The following COL22A1 variants were observed in gnomAD, a reference collection of about 807,000 sequenced individuals.
COL22A1 encodes the protein collagen alpha-1(XXII) chain.
In COL22A1, 221 loss-of-function variants were observed where a neutral mutation model predicts 248.9. The observed-to-expected ratio is 0.89, with a 90% CI of 0.80 to 0.99. The LOEUF (loss-of-function observed/expected upper bound fraction) is 0.99, where lower values mean the gene tolerates loss of function less well. Among genes scored for constraint, COL22A1 ranks in the 50% least tolerant of loss-of-function variants. The pLI is 0.00. For missense variants in COL22A1, 2,240 were observed against 2,179.0 expected, an observed-to-expected ratio of 1.03 and a Z score of -0.56; for synonymous variants, 891 against 793.4, an observed-to-expected ratio of 1.12 and a Z score of -2.07.
intron 8 of COL22A1, among the ~76,000 whole-genome samples, chr8:138,812,433 A>T (rs988598666): frequency 6.6e-6 from 1 of 152,144 alleles, no homozygotes; most frequent in Non-Finnish European, 1.5e-5. Flanking sequence ...AAGCCTTGTG[A>T]CCAGGACTTG....
intron 41 of COL22A1, among the ~76,000 whole-genome samples, chr8:138,670,976 AAAAAAAAAAAG>A (rs1824975453): frequency 6.7e-6 from 1 of 149,688 alleles, no homozygotes; most frequent in Admixed American, 6.7e-5. Context: ...AAAAAAAAAA[AAAAAAAAAAAG>A]CCACTGGTGA....
At chr8:138,638,851 G>A (rs1821423550) in intron 47 of COL22A1, among the ~76,000 whole-genome samples, 1 of 152,050 alleles carries the variant, frequency 6.6e-6, no homozygotes, top group Admixed American at 6.6e-5. Context: ...CCTCAGTCTG[G>A]GTTTAGACTA....
chr8:138,711,541 A>T (rs1266155353), intron 30 of COL22A1, among the ~76,000 whole-genome samples: 1 of 152,152 alleles, frequency 6.6e-6, no homozygotes, highest in Non-Finnish European at 1.5e-5. Flanking sequence ...TCAAATAGAA[A>T]CTGCATTTCT....
At chr8:138,792,018 G>C (rs576716714) in intron 12 of COL22A1, among the ~76,000 whole-genome samples, 1 of 151,896 alleles carries the variant, frequency 6.6e-6, no homozygotes, top group African/African-American at 2.4e-5. Context: ...ATGACTTTTT[G>C]GTGGTGCTTG....
At chr8:138,800,799 C>T (rs1816937840) in intron 11 of COL22A1, among the ~76,000 whole-genome samples, 2 of 152,180 alleles carry the variant, frequency 1.3e-5, no homozygotes, top group Admixed American at 6.5e-5. Context: ...TCCTTTGAAC[C>T]CAGCTACAAG....
At chr8:138,790,185 G>C (rs1815900478) in intron 12 of COL22A1, among the ~76,000 whole-genome samples, 3 of 152,160 alleles carry the variant, frequency 2.0e-5, no homozygotes, top group Admixed American at 2.0e-4. Flanking sequence ...GTCAGATTTG[G>C]TGTCAGGTGA....
intron 47 of COL22A1, among the ~76,000 whole-genome samples, chr8:138,645,958 A>C (rs1822168516): frequency 6.6e-6 from 1 of 152,144 alleles, no homozygotes; most frequent in African/African-American, 2.4e-5. Context: ...GTGTGGGTCT[A>C]TCTGTCCCCA....
At chr8:138,709,037 A>T (rs910490736) in intron 30 of COL22A1, among the ~76,000 whole-genome samples, 4 of 152,254 alleles carry the variant, frequency 2.6e-5, no homozygotes, top group Non-Finnish European at 5.9e-5. Context: ...ACATGAAAAA[A>T]TGCTCATCAT....
chr8:138,899,324 G>A (rs1465161693), intron 1 of COL22A1, among the ~76,000 whole-genome samples: 1 of 152,106 alleles, frequency 6.6e-6, no homozygotes, highest in Non-Finnish European at 1.5e-5. Flanking sequence ...GATAAAAAAG[G>A]TTGAGAAAAT....
intron 16 of COL22A1, among the ~76,000 whole-genome samples, chr8:138,763,440 C>T (rs1172994122): frequency 6.6e-6 from 1 of 152,092 alleles, no homozygotes; most frequent in African/African-American, 2.4e-5. Context: ...TGAAAACCTT[C>T]CTGCTGAGGA....
intron 51 of COL22A1, among the ~76,000 whole-genome samples, chr8:138,624,078 G>T (rs542230129): frequency 6.6e-6 from 1 of 152,138 alleles, no homozygotes; most frequent in African/African-American, 2.4e-5. Context: ...GCCTCTCCTG[G>T]GCATTTTCGT....
chr8:138,913,547 T>G (rs1240957880), intron 1 of COL22A1, 72 bp downstream of exon 1: 1 of 152,450 alleles, frequency 6.6e-6, no homozygotes, highest in African/African-American at 2.4e-5. Context: ...CTCACTGTCA[T>G]CTGGGAAGAT....
At chr8:138,661,034 A>G (rs1263162983) in intron 43 of COL22A1, among the ~76,000 whole-genome samples, 2 of 38,340 alleles carry the variant, frequency 5.2e-5, no homozygotes, top group African/African-American at 1.3e-4. Flanking sequence ...ACACACACAT[A>G]TACAGACACA....
intron 57 of COL22A1, among the ~76,000 whole-genome samples, chr8:138,607,177 G>A (rs938567904): frequency 6.6e-6 from 1 of 152,160 alleles, no homozygotes; most frequent in Non-Finnish European, 1.5e-5. Flanking sequence ...AAACTGAGAT[G>A]AGCTGGTCAC....
chr8:138,604,621 G>C, intron 59 of COL22A1, 113 bp downstream of exon 59: 1 of 850,896 alleles, frequency 1.2e-6, no homozygotes. Context: ...AACAGTGAAG[G>C]TAGAGAGTGT....
intron 45 of COL22A1, among the ~76,000 whole-genome samples, chr8:138,652,735 G>GTTTTTTTTT (rs71316352): frequency 0.069 from 3,733 of 54,244 alleles, 1,327 homozygotes; most frequent in Non-Finnish European, 0.098. Flanking sequence ...TCCTTTTCTG[G>GTTTTTTTTT]TTTTTTTTTT....
intron 30 of COL22A1, among the ~76,000 whole-genome samples, chr8:138,715,000 G>C (rs956903996): frequency 5.9e-5 from 9 of 152,084 alleles, no homozygotes; most frequent in African/African-American, 1.4e-4. Flanking sequence ...AAGGGGCAGT[G>C]GTGTTCAGAG....
chr8:138,874,147 A>G (rs1823539758), intron 3 of COL22A1, among the ~76,000 whole-genome samples: 1 of 152,202 alleles, frequency 6.6e-6, no homozygotes, highest in Non-Finnish European at 1.5e-5. Flanking sequence ...AGGGGATTTC[A>G]TTTCATTTGT....
At chr8:138,793,875 A>G (rs1286550249) in intron 12 of COL22A1, among the ~76,000 whole-genome samples, 1 of 152,212 alleles carries the variant, frequency 6.6e-6, no homozygotes, top group African/African-American at 2.4e-5. Context: ...ACACACGCGA[A>G]GGACACATTA....
Sources: gnomAD v4.1 joint callset for allele counts (sites outside exome capture counted in the v4.1 genomes callset) on GRCh38, gnomAD v4.1.1 for gene constraint, MANE v1.5 for transcripts, NCBI Gene and HGNC (gene_info 2026-07-23, HGNC 2026-07-21) for gene names.